Variants in SCP2 observed in about 807,000 individuals in gnomAD.
SCP2 encodes SCP-2/3-oxoacyl-CoA thiolase.
In SCP2, 48 loss-of-function variants were observed where a neutral mutation model predicts 71.4. The ratio of observed to expected loss-of-function variants is 0.67; its 90% CI spans 0.53 to 0.86. The LOEUF is 0.86. SCP2 is among the 40% of genes least tolerant of loss of function. The pLI, the probability that SCP2 is intolerant of heterozygous loss-of-function variation, is 0.00. For missense variants in SCP2, 560 were observed against 655.6 expected, an observed-to-expected ratio of 0.85 and a Z score of 1.59; for synonymous variants, 220 against 218.1, an observed-to-expected ratio of 1.01 and a Z score of -0.08.
intron 4 of SCP2, 58 bp downstream of exon 4, chr1:52,950,944 A>T (rs1412286139): frequency 2.6e-6 from 4 of 1,522,798 alleles, no homozygotes; most frequent in Non-Finnish European, 3.6e-6. Flanking sequence ...ATTTAATCAC[A>T]CGACCATCAG....
In SCP2 at chr1:53,010,426, C is replaced by T. The variant is rs1350320901; in HGVS notation, c.1082-4464C>T. ...GGATTAAGAAAATGTGGCACATATA[C>T]ACCACGGAATACTATGCAGCCATAA... On this transcript the variant is annotated intron_variant, in intron 11 of 15. Transcript: ENST00000371514. Among the ~76,000 whole-genome samples, 9 of 152,316 alleles carry T rather than the reference C, an allele frequency of 5.9e-5. No homozygotes were observed. The South Asian group carries it at 1.0e-3, about 18-fold the overall frequency.
At chr1:52,948,918 ATCTC>A (rs1462733761) in intron 3 of SCP2, among the ~76,000 whole-genome samples, 1 of 150,938 alleles carries the variant, frequency 6.6e-6, no homozygotes, top group African/African-American at 2.4e-5. Flanking sequence ...TTTGACTAAC[ATCTC>A]TCTGTTTCCC....
In SCP2 at chr1:52,948,003, T is replaced by G. The variant is rs1448301540; in HGVS notation, c.128-6T>G. 1 of 1,607,454 alleles carries G rather than the reference T, an allele frequency of 6.2e-7. No homozygotes were observed. The highest frequency in any genetic ancestry group is 1.1e-5 in the South Asian group (1 of 90,964). On this transcript the variant is annotated splice_polypyrimidine_tract_variant and splice_region_variant and intron_variant, in intron 2 of 15. Coordinates refer to ENST00000371514, the MANE Select transcript of SCP2 (RefSeq NM_002979.5). ...ACTTTTTGATAAAAACCTTTCGTTT[T>G]TATAGGCAAGAAGGCTTTAGCTGAT...
chr1:53,010,717 T>C (rs1660933115), intron 11 of SCP2, among the ~76,000 whole-genome samples: 1 of 152,092 alleles, frequency 6.6e-6, no homozygotes. Flanking sequence ...ACATGGCACA[T>C]GTATATATAT....
intron 13 of SCP2, among the ~76,000 whole-genome samples, chr1:53,035,242 G>T (rs1239747960): frequency 6.6e-6 from 1 of 152,134 alleles, no homozygotes; most frequent in African/African-American, 2.4e-5. Flanking sequence ...CAGGTTGCCA[G>T]TTCCAAAATA....
At chr1:53,009,952 C>G (rs183648953) in intron 11 of SCP2, among the ~76,000 whole-genome samples, 1 of 152,118 alleles carries the variant, frequency 6.6e-6, no homozygotes, top group African/African-American at 2.4e-5. Context: ...ACAACCCCAT[C>G]AAAAAGCGGG....
chr1:52,960,676 A>ATATATATGTATATATGTGTGTTGTGTG (rs2150141635), intron 5 of SCP2, among the ~76,000 whole-genome samples: 1 of 146,302 alleles, frequency 6.8e-6, no homozygotes, highest in East Asian at 2.0e-4. Context: ...ATGTATGTGT[A>ATATATATGTATATATGTGTGTTGTGTG]TATATATGTA....
chr1:52,942,210 T>C (rs956053442), intron 2 of SCP2, among the ~76,000 whole-genome samples: 3 of 152,234 alleles, frequency 2.0e-5, no homozygotes, highest in Admixed American at 6.5e-5. Context: ...GGAAAAGGGA[T>C]AATCACATTC....
At chr1:53,017,379 C>T (rs1661407664) in intron 12 of SCP2, among the ~76,000 whole-genome samples, 1 of 152,204 alleles carries the variant, frequency 6.6e-6, no homozygotes, top group South Asian at 2.1e-4. Context: ...TCTCTTCTAG[C>T]CTCTGGCAAC....
At chr1:52,929,868 C>G (rs1027445623) in intron 1 of SCP2, among the ~76,000 whole-genome samples, 1 of 152,162 alleles carries the variant, frequency 6.6e-6, no homozygotes, top group African/African-American at 2.4e-5. Context: ...CGTGATCCAC[C>G]CGCCTCGGAC....
intron 14 of SCP2, among the ~76,000 whole-genome samples, chr1:53,043,917 C>T (rs60990405): frequency 0.098 from 14,956 of 152,102 alleles, 1,437 homozygotes; most frequent in African/African-American, 0.22. Context: ...AAGATTTTCT[C>T]AGCAGCTAAG....
rs142027570 is a variant in SCP2 at position 53,015,491 on chromosome 1, A to G, written c.1235+448A>G. On this transcript the variant is annotated intron_variant, in intron 12 of 15. Coordinates refer to ENST00000371514, the MANE Select transcript of SCP2 (RefSeq NM_002979.5). ...TTGCTGACTTTCTTCCTCTCCTTCA[A>G]CTGCCCATGCTCCTCAATTTGCAGG... 2.0e-4 allele frequency among the ~76,000 whole-genome samples: 30 copies of G among 152,160 alleles called. 1 individual carries two copies. The highest frequency in any genetic ancestry group is 7.0e-4 in the African/African-American group (29 of 41,496).
intron 13 of SCP2, among the ~76,000 whole-genome samples, chr1:53,032,424 T>C (rs541437381): frequency 5.3e-5 from 8 of 152,308 alleles, no homozygotes; most frequent in Admixed American, 1.3e-4. Flanking sequence ...TAGAGACTCC[T>C]TCCCAAAAGA....
At chr1:53,037,291 G>A (rs1178302435) in intron 13 of SCP2, among the ~76,000 whole-genome samples, 1 of 151,976 alleles carries the variant, frequency 6.6e-6, no homozygotes, top group East Asian at 1.9e-4. Context: ...TTTTAAACAA[G>A]GTGTGTGAGT....
chr1:52,993,443 A>G (rs1258089973), intron 11 of SCP2: 2 of 1,614,042 alleles, frequency 1.2e-6, no homozygotes, highest in Admixed American at 1.7e-5. Flanking sequence ...ACCAATTAAA[A>G]TCATTGGGAA....
intron 13 of SCP2, among the ~76,000 whole-genome samples, chr1:53,037,929 CAGATCCAGATCCTGTCTCTATA>C (rs1663113893): frequency 8.3e-6 from 1 of 120,726 alleles, no homozygotes; most frequent in African/African-American, 2.9e-5. Context: ...CACACACACA[CAGATCCAGATCCTGTCTCTATA>C]CACACACACA....
At chr1:52,949,863 T>C (rs1572069494) in intron 3 of SCP2, among the ~76,000 whole-genome samples, 1 of 152,226 alleles carries the variant, frequency 6.6e-6, no homozygotes, top group East Asian at 1.9e-4. Flanking sequence ...AGCACAGGTC[T>C]TTGAATAAAT....
chr1:52,997,572 T>C (rs1334227745), intron 11 of SCP2, among the ~76,000 whole-genome samples: 1 of 152,160 alleles, frequency 6.6e-6, no homozygotes, highest in Admixed American at 6.5e-5. Flanking sequence ...TTATGACATG[T>C]CCAGAATAGG....
At chr1:52,927,595 T>A (rs1572027431) in intron 1 of SCP2, 130 bp downstream of exon 1, 2 of 722,650 alleles carry the variant, frequency 2.8e-6, no homozygotes, top group East Asian at 5.4e-5. Flanking sequence ...ACTTGGTGGC[T>A]TGTACTCTGC....
Sources: gnomAD v4.1 joint callset for allele counts (sites outside exome capture counted in the v4.1 genomes callset) on GRCh38, gnomAD v4.1.1 for gene constraint, MANE v1.5 for transcripts, NCBI Gene and HGNC (gene_info 2026-07-23, HGNC 2026-07-21) for gene names.